The following SLC41A3 variants were observed in gnomAD, a reference collection of about 807,000 sequenced individuals.
SLC41A3 encodes SLC41A1-like 2.
SLC41A3 carries 44 observed loss-of-function variants against 45.4 expected under a neutral mutation model. The ratio of observed to expected loss-of-function variants is 0.97; its 90% CI spans 0.76 to 1.25. SLC41A3 has a LOEUF of 1.25. SLC41A3 is among the 50% of genes most tolerant of loss of function. The pLI, the probability that SLC41A3 is intolerant of heterozygous loss-of-function variation, is 0.00. For synonymous variants in SLC41A3, 256 were observed against 252.4 expected (o/e 1.01, Z -0.13); for missense variants, 550 against 600.6 (o/e 0.92, Z 0.88).
intron 3 of SLC41A3, among the ~76,000 whole-genome samples, chr3:126,048,999 G>A (rs781022604): frequency 1.3e-5 from 2 of 152,134 alleles, no homozygotes; most frequent in Non-Finnish European, 2.9e-5. Context: ...ACAGACTGTT[G>A]TAATGAATTA....
intron 1 of SLC41A3, chr3:126,073,094 G>C (rs1040213913): frequency 1.3e-5 from 2 of 152,170 alleles, no homozygotes; most frequent in African/African-American, 4.8e-5. Flanking sequence ...GGGAACAACA[G>C]ACACCAGGGC....
rs545226973 is a variant in SLC41A3 at position 126,012,797 on chromosome 3, T to G, written c.971-48A>C. 21 of 1,609,238 alleles carry G rather than the reference T, an allele frequency of 1.3e-5. No homozygotes were observed. The South Asian group carries it at 2.3e-4, about 18-fold the overall frequency. ...TTTTCCCTTTCTTTACGCCAGTCTC[T>G]AAGTTGTATCCCTTATTTTAAGTTC... On this transcript the variant is annotated intron_variant, in intron 8 of 10. Coordinates refer to ENST00000360370, the MANE Select transcript of SLC41A3 (RefSeq NM_017836.4).
At position 126,015,571 on chromosome 3, in the gene SLC41A3, A is replaced by G. The variant is rs1417279686; in HGVS notation, c.893T>C (p.Phe298Ser). 3 of 1,614,032 alleles carry G rather than the reference A, an allele frequency of 1.9e-6. No homozygotes were observed. In the African/African-American group the frequency reaches 4.0e-5, roughly 22 times the overall value. ...GGTTTTGCTCAAGATGAGTCCTCCG[A>G]AACTGGGGAAATAGCAGACAGCAGT... ...PIILAMVISSFGGLILSKTVS... is the reference protein window; with the variant it reads ...PIILAMVISSSGGLILSKTVS... Residue 298 changes from phenylalanine (F) to serine (S), a missense_variant and splice_region_variant, in exon 8 of 11, where the codon TTC becomes TCC. Coordinates refer to ENST00000360370, the MANE Select transcript of SLC41A3 (RefSeq NM_017836.4).
chr3:126,022,932 C>T lies in SLC41A3; in HGVS notation c.599G>A (p.Gly200Glu), dbSNP rs760917095. Residue 200 changes from glycine to glutamate, a missense_variant and splice_region_variant, in exon 6 of 11, where the codon GGG (glycine) becomes GAG (glutamate). Coordinates refer to ENST00000360370, the MANE Select transcript of SLC41A3 (RefSeq NM_017836.4). Reference sequence around the variant, plus strand: ...AATCACTATACAGACCATCAGCACCCCTGCAGAGAGAGAGAGGAGAAACAG... The same window carrying T: ...AATCACTATACAGACCATCAGCACCTCTGCAGAGAGAGAGAGGAGAAACAG... ...LTAFLAAFAL[G>E]VLMVCIVIGA... The T allele has an allele frequency of 5.0e-6, 8 of 1,614,018 alleles. No individual in the cohort carries two copies. The highest frequency in any genetic ancestry group is 1.7e-5 in the Admixed American group (1 of 60,022).
intron 4 of SLC41A3, among the ~76,000 whole-genome samples, chr3:126,032,954 C>T (rs1238792774): frequency 6.6e-6 from 1 of 152,194 alleles, no homozygotes. Flanking sequence ...AGCCTCTCCT[C>T]TTGCCTCTGA....
chr3:126,014,160 A>G (rs905453), intron 8 of SLC41A3, among the ~76,000 whole-genome samples: 103,385 of 151,978 alleles, frequency 0.68, 36,685 homozygotes, highest in African/African-American at 0.89. Flanking sequence ...GTGACCTCTC[A>G]GGCAGAGGCC....
intron 4 of SLC41A3, among the ~76,000 whole-genome samples, chr3:126,030,888 G>A (rs1941749452): frequency 6.6e-6 from 1 of 152,194 alleles, no homozygotes; most frequent in Admixed American, 6.5e-5. Context: ...GTTGGTACAG[G>A]AATTTAGGGG....
intron 2 of SLC41A3, among the ~76,000 whole-genome samples, chr3:126,059,307 A>AAAGAAAGGAAGGAAGG (rs1559870097): frequency 3.5e-4 from 21 of 59,444 alleles, no homozygotes; most frequent in Non-Finnish European, 4.9e-4. Context: ...AGAAAGAAAG[A>AAAGAAAGGAAGGAAGG]AAGGAAGGAT....
At position 126,012,556 on chromosome 3, in the gene SLC41A3, C is replaced by A. The variant is rs567528459; in HGVS notation, c.1105+59G>T. The A allele has an allele frequency of 5.0e-6, 8 of 1,601,490 alleles. No individual in the cohort carries two copies. In the Admixed American group the frequency reaches 8.4e-5, roughly 17 times the overall value. On this transcript the variant is annotated intron_variant, in intron 9 of 10. Transcript: ENST00000360370. ...CTACAAACACCAGATTCCAATGACA[C>A]CGATGTTTTCTTGTTTAAAGAAATG...
chr3:126,096,914 C>G (rs1576391904), intron 1 of SLC41A3, among the ~76,000 whole-genome samples: 1 of 152,192 alleles, frequency 6.6e-6, no homozygotes, highest in Non-Finnish European at 1.5e-5. Context: ...CAGTCCTTCC[C>G]TCCTCGGAAG....
chr3:126,023,326 C>A (rs532172553), intron 5 of SLC41A3: 86 of 166,468 alleles, frequency 5.2e-4, no homozygotes, highest in Non-Finnish European at 1.0e-3. Context: ...AGCTCATGGC[C>A]TCCTGTGTTT....
intron 2 of SLC41A3, among the ~76,000 whole-genome samples, chr3:126,059,987 C>T (rs1943968451): frequency 6.6e-6 from 1 of 152,218 alleles, no homozygotes; most frequent in South Asian, 2.1e-4. Flanking sequence ...TATAATCATA[C>T]ACAGTGAATC....
intron 3 of SLC41A3, among the ~76,000 whole-genome samples, chr3:126,037,123 T>C (rs908778259): frequency 1.3e-5 from 2 of 152,162 alleles, no homozygotes; most frequent in Non-Finnish European, 2.9e-5. Context: ...CTTCTCATAG[T>C]AATGAGTGAA....
At chr3:126,039,996 A>G (rs1576284863) in intron 3 of SLC41A3, among the ~76,000 whole-genome samples, 1 of 99,068 alleles carries the variant, frequency 1.0e-5, no homozygotes, top group African/African-American at 6.1e-5. Flanking sequence ...CAGCTTCCTT[A>G]GGAAAATGGC....
intron 9 of SLC41A3, among the ~76,000 whole-genome samples, chr3:126,009,926 G>A (rs184698689): frequency 7.0e-4 from 107 of 152,308 alleles, no homozygotes; most frequent in Non-Finnish European, 1.3e-3. Context: ...ATAACACGGA[G>A]TCTGACTTCT....
intron 3 of SLC41A3, among the ~76,000 whole-genome samples, chr3:126,046,961 C>CAAAAAA (rs36095026): frequency 7.4e-5 from 6 of 81,088 alleles, no homozygotes; most frequent in Middle Eastern, 7.1e-3. Flanking sequence ...AACTCCATCT[C>CAAAAAA]AAAAAAAAAA....
intron 2 of SLC41A3, chr3:126,057,066 A>C (rs778948577): frequency 4.0e-6 from 4 of 995,824 alleles, no homozygotes; most frequent in Non-Finnish European, 4.8e-6. Flanking sequence ...CTGGCAGAGG[A>C]GGGCCTGGGG....
chr3:126,038,660 G>A (rs954657751), intron 3 of SLC41A3, among the ~76,000 whole-genome samples: 4 of 152,202 alleles, frequency 2.6e-5, no homozygotes, highest in African/African-American at 9.7e-5. Flanking sequence ...TGGAAGAAAT[G>A]TGCACTCGGT....
At chr3:126,032,755 C>A (rs567913259) in intron 4 of SLC41A3, among the ~76,000 whole-genome samples, 1 of 152,056 alleles carries the variant, frequency 6.6e-6, no homozygotes, top group Non-Finnish European at 1.5e-5. Context: ...AACCCAGGTG[C>A]GGGATAAAGT....
Sources: allele counts gnomAD v4.1 joint callset (sites outside exome capture counted in the v4.1 genomes callset), GRCh38; gene constraint gnomAD v4.1.1; transcripts MANE v1.5; gene names NCBI Gene and HGNC (gene_info 2026-07-23, HGNC 2026-07-21).